Variants in GPHN observed in about 807,000 individuals in gnomAD.
GPHN encodes the protein gephyrin.
GPHN carries 17 observed loss-of-function variants against 95.5 expected under a neutral mutation model. The observed-to-expected ratio is 0.18, with a 90% CI of 0.12 to 0.27. The LOEUF (loss-of-function observed/expected upper bound fraction) is 0.27, where lower values mean the gene tolerates loss of function less well. Among genes scored for constraint, GPHN ranks in the 10% least tolerant of loss-of-function variants. The pLI is 1.00. For synonymous variants in GPHN, 320 were observed against 322.5 expected, an observed-to-expected ratio of 0.99 and a Z score of 0.08; for missense variants, 660 against 978.1, an observed-to-expected ratio of 0.67 and a Z score of 4.34.
At chr14:67,137,675 G>C (rs1382521773) in intron 17 of GPHN, among the ~76,000 whole-genome samples, 1 of 152,102 alleles carries the variant, frequency 6.6e-6, no homozygotes, top group African/African-American at 2.4e-5. Context: ...TGAGGTGGGA[G>C]GATCGCTTTA....
At chr14:66,866,758 C>T (rs1403650790) in intron 4 of GPHN, among the ~76,000 whole-genome samples, 1 of 152,082 alleles carries the variant, frequency 6.6e-6, no homozygotes, top group Non-Finnish European at 1.5e-5. Context: ...GAAATAAATT[C>T]TTTGGTTGAA....
chr14:67,473,616 C>A, the GPHN span: 1 of 1,593,784 alleles, frequency 6.3e-7, no homozygotes, highest in Non-Finnish European at 8.5e-7. This position sits in a 1 kb window ranked among gnomAD's most constrained non-coding sequence, Gnocchi z 6.5. Context: ...GGAGTAGTCC[C>A]AGGGGCAGGC....
At chr14:67,365,352 G>A in the GPHN span, among the ~76,000 whole-genome samples, 1,153 of 152,330 alleles carry the variant, frequency 7.6e-3, 13 homozygotes, top group African/African-American at 0.025. Context: ...TATGTTGGAT[G>A]CCTTTTTCTT....
At chr14:66,817,549 T>G (rs758789490) in intron 3 of GPHN, among the ~76,000 whole-genome samples, 1 of 152,144 alleles carries the variant, frequency 6.6e-6, no homozygotes, top group Admixed American at 6.5e-5. Flanking sequence ...TTAACACATA[T>G]AGTGATTTGT....
chr14:66,659,259 T>C (rs1428482869), intron 1 of GPHN, among the ~76,000 whole-genome samples: 2 of 152,064 alleles, frequency 1.3e-5, no homozygotes, highest in Non-Finnish European at 2.9e-5. Context: ...TTCAAATCTG[T>C]GCCTTGTCTG....
rs141999975 is a variant in GPHN at position 66,665,247 on chromosome 14, A to T, written c.65-15860A>T. On this transcript the variant is annotated intron_variant, in intron 1 of 22. Transcript: ENST00000478722. ...CAAAAATCCTCTGCAAAATTCTAGCAAACTGAATCCAGCTTATCCAAAAAG... is the reference window on the plus strand; with the variant it reads ...CAAAAATCCTCTGCAAAATTCTAGCTAACTGAATCCAGCTTATCCAAAAAG... Among the ~76,000 whole-genome samples the T allele has an allele frequency of 3.7e-3, 563 of 152,322 alleles. 7 individuals are homozygous for T. The highest frequency in any genetic ancestry group is 0.013 in the African/African-American group (526 of 41,562).
the GPHN span, among the ~76,000 whole-genome samples, chr14:67,221,348 A>C: frequency 1.3e-5 from 2 of 152,230 alleles, no homozygotes; most frequent in Non-Finnish European, 2.9e-5. Flanking sequence ...CATCCATTTC[A>C]GAATTTATCC....
At chr14:67,557,307 G>A in the GPHN span, 1 of 1,613,754 alleles carries the variant, frequency 6.2e-7, no homozygotes, top group East Asian at 2.2e-5. Context: ...TATCCAATCT[G>A]AAGAATGTGG....
chr14:67,087,471 C>A, intron 11 of GPHN, among the ~76,000 whole-genome samples: 1 of 152,126 alleles, frequency 6.6e-6, no homozygotes, highest in African/African-American at 2.4e-5. Flanking sequence ...TATGGTCCCA[C>A]CACTTTGCTT....
At chr14:67,173,101 C>A (rs1484120487) in intron 21 of GPHN, among the ~76,000 whole-genome samples, 2 of 152,170 alleles carry the variant, frequency 1.3e-5, no homozygotes, top group Non-Finnish European at 2.9e-5. Context: ...AAGTCACAGA[C>A]CCTGGCTCTG....
the GPHN span, among the ~76,000 whole-genome samples, chr14:67,403,739 A>G: frequency 2.0e-5 from 3 of 152,328 alleles, no homozygotes; most frequent in East Asian, 5.8e-4. Context: ...CACTTTAGGG[A>G]TCTCTGTTAA....
chr14:66,735,045 G>T (rs951821389), intron 2 of GPHN, among the ~76,000 whole-genome samples: 2 of 152,124 alleles, frequency 1.3e-5, no homozygotes, highest in African/African-American at 4.8e-5. Context: ...ATCTGGTATA[G>T]AAATTGAGTG....
chr14:66,692,919 T>G (rs2067871178), intron 2 of GPHN, among the ~76,000 whole-genome samples: 2 of 152,136 alleles, frequency 1.3e-5, no homozygotes, highest in South Asian at 4.1e-4. Flanking sequence ...AACCTTATGA[T>G]TTCATAGCTT....
chr14:67,302,388 T>C, the GPHN span: 2 of 1,369,766 alleles, frequency 1.5e-6, no homozygotes, highest in East Asian at 2.9e-5. Context: ...TATTTTTAAA[T>C]TATACATATA....
chr14:66,725,017 T>G (rs888332053), intron 2 of GPHN, among the ~76,000 whole-genome samples: 3 of 152,048 alleles, frequency 2.0e-5, no homozygotes, highest in African/African-American at 4.8e-5. Flanking sequence ...TAAGGTTACA[T>G]GAGATCATAA....
At chr14:67,294,404 G>GA in the GPHN span, 1 of 151,640 alleles carries the variant, frequency 6.6e-6, no homozygotes, top group African/African-American at 2.4e-5. Context: ...TTTACAGCTG[G>GA]AAAAAAATAT....
chr14:67,103,345 T>G (rs1421002404), intron 13 of GPHN, among the ~76,000 whole-genome samples: 2 of 152,054 alleles, frequency 1.3e-5, no homozygotes, highest in Admixed American at 6.6e-5. Flanking sequence ...CTATTTGGAG[T>G]CTCTTGTGGT....
chr14:66,930,903 T>C (rs1047186789), intron 8 of GPHN, among the ~76,000 whole-genome samples: 4 of 152,212 alleles, frequency 2.6e-5, no homozygotes, highest in Admixed American at 6.5e-5. Context: ...CTTAACAGTG[T>C]ATAATATTCT....
At chr14:67,494,067 C>T in the GPHN span, among the ~76,000 whole-genome samples, 1 of 152,170 alleles carries the variant, frequency 6.6e-6, no homozygotes, top group African/African-American at 2.4e-5. Context: ...CCAGGCACCT[C>T]CACCATAAGC....
Sources: allele counts gnomAD v4.1 joint callset (sites outside exome capture counted in the v4.1 genomes callset), GRCh38; gene constraint gnomAD v4.1.1; non-coding constraint Gnocchi (gnomAD v3.1); transcripts MANE v1.5; gene names NCBI Gene and HGNC (gene_info 2026-07-23, HGNC 2026-07-21).